COA1: variants seen among roughly 807,000 people sequenced by gnomAD.
The protein encoded by COA1 is cytochrome c oxidase assembly factor 1.
COA1 carries 13 observed loss-of-function variants against 16.0 expected under a neutral mutation model. The ratio of observed to expected loss-of-function variants is 0.81; its 90% CI spans 0.53 to 1.29. The LOEUF (loss-of-function observed/expected upper bound fraction) is 1.29. Among genes scored for constraint, COA1 ranks in the 50% most tolerant of loss-of-function variants. COA1 has a pLI of 0.00. For synonymous variants in COA1, 65 were observed against 65.7 expected, an observed-to-expected ratio of 0.99 and a Z score of 0.05; for missense variants, 179 against 177.0, an observed-to-expected ratio of 1.01 and a Z score of -0.06.
chr7:43,702,212 TAA>T (rs1461147121), intron 1 of COA1, among the ~76,000 whole-genome samples: 4 of 152,196 alleles, frequency 2.6e-5, no homozygotes, highest in Non-Finnish European at 5.9e-5. Flanking sequence ...GGTATTCTTC[TAA>T]AGTTTTTATA....
intron 1 of COA1, among the ~76,000 whole-genome samples, chr7:43,665,984 G>T (rs1392720917): frequency 6.6e-6 from 1 of 152,140 alleles, no homozygotes; most frequent in African/African-American, 2.4e-5. Context: ...GACCCTCAAT[G>T]TGCTGCATGA....
chr7:43,689,027 T>C lies in COA1; in HGVS notation c.-38-40375A>G, dbSNP rs187561094. On this transcript the variant is annotated intron_variant, in intron 1 of 5. Coordinates refer to ENST00000223336, the MANE Select transcript of COA1 (RefSeq NM_018224.4). ...TGAGATTGGCTCACAGTCTGTGTTA[T>C]TTCTCTCTAACCCCACGTATTTAAA... Among the ~76,000 whole-genome samples the C allele has an allele frequency of 2.6e-4, 40 of 152,334 alleles. 1 individual carries two copies. Among genetic ancestry groups the C allele is most frequent in the Admixed American group, 1.5e-3 (23 of 15,304 alleles).
rs1271735292 is a variant in COA1 at position 43,691,419 on chromosome 7, G to GGAAGGAAGGAAGAA, written c.-39+38009_-39+38010insTTCTTCCTTCCTTC. Among the ~76,000 whole-genome samples, 6 of 82,222 alleles carry GGAAGGAAGGAAGAA rather than the reference G, an allele frequency of 7.3e-5. 1 individual carries two copies. Among genetic ancestry groups the GGAAGGAAGGAAGAA allele is most frequent in the African/African-American group, 2.8e-4 (6 of 21,094 alleles). 53.9% of individuals were successfully genotyped at this position (82,222 alleles called of 152,430 possible). On this transcript the variant is annotated intron_variant, in intron 1 of 5. Coordinates refer to ENST00000223336, the MANE Select transcript of COA1 (RefSeq NM_018224.4). ...AGGAAGGAAGGAAGGAAGGAAGAAA[G>GGAAGGAAGGAAGAA]AAAAAGAAAGAAAGAAAGAAAGAAA...
intron 1 of COA1, among the ~76,000 whole-genome samples, chr7:43,681,643 C>T (rs948826436): frequency 1.2e-4 from 18 of 152,116 alleles, no homozygotes; most frequent in Non-Finnish European, 2.6e-4. Flanking sequence ...TGAAAATTTG[C>T]TCACACTTAA....
intron 6 of COA1, among the ~76,000 whole-genome samples, chr7:43,613,688 A>T (rs377445686): frequency 1.2e-4 from 18 of 152,094 alleles, no homozygotes; most frequent in African/African-American, 3.1e-4. Flanking sequence ...ACAAAAAATT[A>T]AAAAAATCAG....
chr7:43,717,728 T>C lies in COA1; in HGVS notation c.-39+11701A>G, dbSNP rs1270973423. On this transcript the variant is annotated intron_variant, in intron 1 of 5. Transcript: ENST00000223336. ...ACAATATGGTTTGGCTCTATGTCCC[T>C]ATTCAAATCTCATCTTGAATTGTAC... Among the ~76,000 whole-genome samples, 6 of 152,198 alleles carry C rather than the reference T, an allele frequency of 3.9e-5. No homozygotes were observed. The East Asian group carries it at 9.6e-4, about 24-fold the overall frequency.
At chr7:43,624,846 A>G (rs2084328150) in intron 6 of COA1, 6 of 1,581,276 alleles carry the variant, frequency 3.8e-6, no homozygotes, top group African/African-American at 1.4e-5. Flanking sequence ...CTACTGAGCA[A>G]TATTTCCCTT....
intron 6 of COA1, among the ~76,000 whole-genome samples, chr7:43,615,382 G>T (rs1455714008): frequency 6.6e-6 from 1 of 152,006 alleles, no homozygotes; most frequent in East Asian, 1.9e-4. Context: ...TCATCATGTT[G>T]CCCAGGCTGG....
chr7:43,683,235 G>C (rs769705282), intron 1 of COA1, among the ~76,000 whole-genome samples: 2 of 152,108 alleles, frequency 1.3e-5, no homozygotes, highest in Non-Finnish European at 2.9e-5. Context: ...ATTAAGAAAA[G>C]TCATATAGTT....
chr7:43,648,927 C>A (rs535218806), intron 1 of COA1: 2 of 322,234 alleles, frequency 6.2e-6, no homozygotes, highest in Non-Finnish European at 1.2e-5. Context: ...AAGGGAGAAC[C>A]GCAGACAGCA....
At chr7:43,638,407 A>C (rs1309830754), downstream of COA1, among the ~76,000 whole-genome samples, 1 of 152,198 alleles carries the variant, frequency 6.6e-6, no homozygotes, top group Non-Finnish European at 1.5e-5. Flanking sequence ...TCTGGTGCCC[A>C]GAAGGAAGTT....
chr7:43,694,317 C>T (rs2094465378), intron 1 of COA1, among the ~76,000 whole-genome samples: 1 of 150,980 alleles, frequency 6.6e-6, no homozygotes, highest in African/African-American at 2.4e-5. Context: ...TCCCATTTCT[C>T]TACTCCTCTT....
At chr7:43,654,709 G>C (rs1370580200) in intron 1 of COA1, among the ~76,000 whole-genome samples, 1 of 152,144 alleles carries the variant, frequency 6.6e-6, no homozygotes, top group Non-Finnish European at 1.5e-5. Flanking sequence ...AATAACTAGA[G>C]TAAATGGAAG....
At chr7:43,625,017 C>A in intron 6 of COA1, 1 of 550,958 alleles carries the variant, frequency 1.8e-6, no homozygotes, top group African/African-American at 1.9e-5. Flanking sequence ...TAAAAGTTGC[C>A]AACCAGGAGA....
chr7:43,643,282 C>T (rs1380938748), intron 4 of COA1, among the ~76,000 whole-genome samples: 3 of 152,212 alleles, frequency 2.0e-5, no homozygotes, highest in Non-Finnish European at 2.9e-5. Flanking sequence ...GCTGCATCAA[C>T]CAGCCCCAGC....
At chr7:43,626,464 CTTTA>C (rs1346477343) in intron 6 of COA1, 2 of 152,274 alleles carry the variant, frequency 1.3e-5, no homozygotes, top group East Asian at 3.9e-4. Context: ...ACTAAATTGG[CTTTA>C]TTTATACAGT....
intron 6 of COA1, chr7:43,624,850 T>C (rs772766067): frequency 6.3e-7 from 1 of 1,578,694 alleles, no homozygotes; most frequent in East Asian, 2.2e-5. Flanking sequence ...TGAGCAATAT[T>C]TCCCTTTAGA....
chr7:43,717,107 A>G (rs1211572732), intron 1 of COA1, among the ~76,000 whole-genome samples: 1 of 152,166 alleles, frequency 6.6e-6, no homozygotes, highest in Non-Finnish European at 1.5e-5. Context: ...CAGAAGGAAA[A>G]TGTGGGGTTG....
chr7:43,636,980 G>A (rs1459944943), downstream of COA1, among the ~76,000 whole-genome samples: 6 of 151,970 alleles, frequency 3.9e-5, no homozygotes, highest in East Asian at 3.9e-4. Flanking sequence ...CTTTACCTGC[G>A]CTCATCTACA....
Sources: gnomAD v4.1 joint callset for allele counts (sites outside exome capture counted in the v4.1 genomes callset) on GRCh38, gnomAD v4.1.1 for gene constraint, MANE v1.5 for transcripts, NCBI Gene and HGNC (gene_info 2026-07-23, HGNC 2026-07-21) for gene names.